Variants in CIB3 observed in about 807,000 individuals in gnomAD.
The protein encoded by CIB3 is calcium and integrin binding family member 3, also known as calcium and integrin-binding family member 3.
In CIB3, 22 loss-of-function variants were observed where a neutral mutation model predicts 23.4. That is an observed-to-expected ratio of 0.94 (90% confidence interval 0.67 to 1.34). CIB3 has a LOEUF of 1.34. Among genes scored for constraint, CIB3 ranks in the 40% most tolerant of loss-of-function variants. The pLI is 0.00. For synonymous variants in CIB3, 93 were observed against 95.8 expected (o/e 0.97, Z 0.17); for missense variants, 258 against 247.3 (o/e 1.04, Z -0.29).
intron 2 of CIB3, among the ~76,000 whole-genome samples, chr19:16,172,240 C>T (rs1013981085): frequency 2.0e-5 from 3 of 152,174 alleles, no homozygotes; most frequent in Non-Finnish European, 1.5e-5. Context: ...CTGCAACCTC[C>T]ACCTCCCAGG....
chr19:16,166,329 CCT>C (rs2091305737), intron 4 of CIB3, among the ~76,000 whole-genome samples: 1 of 152,102 alleles, frequency 6.6e-6, no homozygotes, highest in African/African-American at 2.4e-5. Flanking sequence ...TTATTGAGTG[CCT>C]ACTATGTGCC....
At position 16,161,379 on chromosome 19, in the gene CIB3, G is replaced by C; in HGVS notation, c.*86C>G. 7.3e-7 allele frequency: 1 copy of C among 1,362,424 alleles called. No individual in the cohort carries two copies. The highest frequency in any genetic ancestry group is 1.1e-6 in the Non-Finnish European group (1 of 950,688). 84.4% of individuals were successfully genotyped at this position (1,362,424 alleles called of 1,614,324 possible). On this transcript the variant is annotated 3_prime_UTR_variant, in exon 6 of 6. Coordinates refer to ENST00000269878, the MANE Select transcript of CIB3 (RefSeq NM_054113.4). ...GTCCTCCCAGCAGGTGTGACTCAGT[G>C]ACTTGTGTTTATTCTCAGAAACCAG...
Position 16,164,768 on chromosome 19 carries a change from C to T in CIB3, c.492G>A (p.Leu164=). ...DEADGDHDGR[L]SLEDFQNMIL... ...TCATGTTCTGGAAATCTTCCAGGGA[C>T]AGCCGCCCATCATGGTCTCCATCAG... Residue 164 remains leucine, a synonymous_variant, in exon 5 of 6, where the codon CTG becomes CTA. Transcript: ENST00000269878. The T allele has an allele frequency of 6.2e-7, 1 of 1,614,050 alleles. No homozygotes were observed. The highest frequency in any genetic ancestry group is 1.6e-4 in the Middle Eastern group (1 of 6,062).
In CIB3 at chr19:16,168,207, C is replaced by A. The variant is rs772704356; in HGVS notation, c.276G>T (p.Leu92Phe). 6.2e-7 allele frequency: 1 copy of A among 1,613,470 alleles called. No individual in the cohort carries two copies. Among genetic ancestry groups the A allele is most frequent in the Non-Finnish European group, 8.5e-7 (1 of 1,179,808 alleles). ...TTTCACTCATCACGGAAAACATGTC[C>A]AAAAAGTTGTCCAGGGTCATGTGGC... Reference protein sequence around the residue: ...GDGHMTLDNFLDMFSVMSEMA... With the variant: ...GDGHMTLDNFFDMFSVMSEMA... Residue 92 changes from leucine to phenylalanine, a missense_variant, in exon 4 of 6, where the codon TTG becomes TTT. By Grantham distance (22) the Leu-to-Phe change is conservative. Coordinates refer to ENST00000269878, the MANE Select transcript of CIB3 (RefSeq NM_054113.4).
At chr19:16,162,631 G>A (rs1046064160) in intron 5 of CIB3, among the ~76,000 whole-genome samples, 2 of 151,840 alleles carry the variant, frequency 1.3e-5, no homozygotes, top group Non-Finnish European at 2.9e-5. Context: ...GCGGGCGCCT[G>A]TAATTCCAGA....
chr19:16,170,193 T>C (rs1439820522), intron 2 of CIB3, among the ~76,000 whole-genome samples: 1 of 152,002 alleles, frequency 6.6e-6, no homozygotes, highest in Non-Finnish European at 1.5e-5. Context: ...ACCTCAAGCA[T>C]ACAGAGCCTG....
At chr19:16,165,695 G>A (rs200113451) in intron 4 of CIB3, among the ~76,000 whole-genome samples, 2 of 152,048 alleles carry the variant, frequency 1.3e-5, no homozygotes, top group Admixed American at 6.6e-5. Context: ...CACCCACCTC[G>A]GTCTCCCAAA....
intron 3 of CIB3, among the ~76,000 whole-genome samples, chr19:16,168,898 G>A (rs1235835985): frequency 1.3e-5 from 2 of 152,068 alleles, no homozygotes; most frequent in Non-Finnish European, 2.9e-5. Context: ...TCTCAAATAA[G>A]GTTTTTGTCA....
intron 3 of CIB3, among the ~76,000 whole-genome samples, chr19:16,169,118 T>G (rs1254655907): frequency 6.6e-6 from 1 of 151,948 alleles, no homozygotes; most frequent in Non-Finnish European, 1.5e-5. Flanking sequence ...TCCTCCCAAT[T>G]CTGGGTGTTT....
intron 2 of CIB3, among the ~76,000 whole-genome samples, chr19:16,171,204 G>A (rs1253920295): frequency 6.6e-6 from 1 of 151,356 alleles, no homozygotes; most frequent in Non-Finnish European, 1.5e-5. Context: ...AGAAAAAAAA[G>A]GAGGGATTCC....
At chr19:16,173,016 GAGAA>G (rs375592265) in intron 2 of CIB3, 142 bp downstream of exon 2, 15,849 of 1,075,978 alleles carry the variant, frequency 0.015, 215 homozygotes, top group African/African-American at 0.047. Flanking sequence ...AGAGAGAAAA[GAGAA>G]AGAAAGAAAG....
chr19:16,161,673 C>CTTT lies in CIB3; in HGVS notation c.543-190_543-188dup, dbSNP rs55969649. ...AGCACATGCCTTTAATTTTTTAATTCTTTTTTTTTTTTTTTTTTTTTTGAG... is the reference window on the plus strand; with the variant it reads ...AGCACATGCCTTTAATTTTTTAATTCTTTTTTTTTTTTTTTTTTTTTTTTTGAG... On this transcript the variant is annotated intron_variant, in intron 5 of 5. Coordinates refer to ENST00000269878, the MANE Select transcript of CIB3 (RefSeq NM_054113.4). 7.5e-3 allele frequency among the ~76,000 whole-genome samples: 754 copies of CTTT among 99,918 alleles called. 2 individuals carry two copies. Among genetic ancestry groups the CTTT allele is most frequent in the East Asian group, 0.01 (31 of 3,082 alleles). The allele number at this position is 99,918 out of a possible 152,430, so 65.6% of individuals were successfully genotyped here.
intron 2 of CIB3, among the ~76,000 whole-genome samples, chr19:16,170,691 G>A (rs1393989395): frequency 2.6e-5 from 4 of 151,756 alleles, no homozygotes; most frequent in Non-Finnish European, 5.9e-5. Context: ...GCGTGGTGAC[G>A]GGCACCTGTA....
intron 2 of CIB3, 107 bp downstream of exon 2, chr19:16,173,041 TACACACACACACAC>T (rs3076227): frequency 0.033 from 25,811 of 783,696 alleles, 212 homozygotes; most frequent in Middle Eastern, 0.058. Flanking sequence ...AAAGACTACT[TACACACACACACAC>T]ACACACACAC....
At chr19:16,172,113 T>G (rs2091330666) in intron 2 of CIB3, among the ~76,000 whole-genome samples, 1 of 152,238 alleles carries the variant, frequency 6.6e-6, no homozygotes, top group South Asian at 2.1e-4. Context: ...ACTTTGCACC[T>G]GGGCTCCCAG....
In CIB3 at chr19:16,161,498, G is replaced by A. The variant is rs566749931; in HGVS notation, c.543-12C>T. On this transcript the variant is annotated splice_polypyrimidine_tract_variant and intron_variant, in intron 5 of 5. Transcript: ENST00000269878. ...GGATGTGGAAGGTGCTGTGTGCAGA[G>A]AGAAAAGGAGTCAAGGCCTTCAAGG... The A allele has an allele frequency of 5.0e-6, 8 of 1,613,858 alleles. No homozygotes were observed. The highest frequency in any genetic ancestry group is 1.1e-5 in the South Asian group (1 of 91,068).
At position 16,173,413 on chromosome 19, in the gene CIB3, G is replaced by GC; in HGVS notation, c.51+11dup. On this transcript the variant is annotated intron_variant, in intron 1 of 5. Coordinates refer to ENST00000269878, the MANE Select transcript of CIB3 (RefSeq NM_054113.4). Reference sequence around the variant, plus strand: ...GTCAAACCCACTGAGGACCCATCCTGCCCCCCTCTACCTGATACGCTTCCA... The same window carrying GC: ...GTCAAACCCACTGAGGACCCATCCTGCCCCCCCTCTACCTGATACGCTTCCA... The GC allele has an allele frequency of 1.2e-6, 2 of 1,612,248 alleles. No individual in the cohort carries two copies. Among genetic ancestry groups the GC allele is most frequent in the Non-Finnish European group, 1.7e-6 (2 of 1,178,366 alleles).
chr19:16,170,878 C>T (rs2091325207), intron 2 of CIB3, among the ~76,000 whole-genome samples: 1 of 150,628 alleles, frequency 6.6e-6, no homozygotes, highest in East Asian at 2.0e-4. Context: ...GTGGCTCACG[C>T]CTGTAATTCC....
chr19:16,169,148 T>C (rs995188482), intron 3 of CIB3, among the ~76,000 whole-genome samples: 1 of 152,030 alleles, frequency 6.6e-6, no homozygotes, highest in Non-Finnish European at 1.5e-5. Flanking sequence ...TGTTTGTTTG[T>C]TTGTTTGTTT....
Sources: gnomAD v4.1 joint callset for allele counts (sites outside exome capture counted in the v4.1 genomes callset) on GRCh38, gnomAD v4.1.1 for gene constraint, MANE v1.5 for transcripts, NCBI Gene and HGNC (gene_info 2026-07-23, HGNC 2026-07-21) for gene names.